ERC2: variants seen among roughly 807,000 people sequenced by gnomAD.
ERC2 encodes the protein ERC protein 2.
A neutral mutation model predicts 114.8 loss-of-function variants in ERC2; 42 were observed. The ratio of observed to expected loss-of-function variants is 0.37; its 90% confidence interval spans 0.29 to 0.47. The LOEUF (loss-of-function observed/expected upper bound fraction) is 0.47. ERC2 is among the 20% of genes least tolerant of loss of function. The pLI, the probability that ERC2 is intolerant of heterozygous loss-of-function variation, is 0.99. For missense variants in ERC2, 939 were observed against 1,150.7 expected, an observed-to-expected ratio of 0.82 and a Z score of 2.66; for synonymous variants, 454 against 425.5, an observed-to-expected ratio of 1.07 and a Z score of -0.82.
At chr3:55,964,390 G>A (rs1030480501) in intron 12 of ERC2, among the ~76,000 whole-genome samples, 9 of 151,686 alleles carry the variant, frequency 5.9e-5, no homozygotes, top group Non-Finnish European at 8.8e-5. Context: ...CATTACTGAG[G>A]CCTTGGCCAC....
intron 2 of ERC2, among the ~76,000 whole-genome samples, chr3:56,394,085 G>A (rs2060221055): frequency 6.6e-6 from 1 of 152,194 alleles, no homozygotes; most frequent in Non-Finnish European, 1.5e-5. Flanking sequence ...GCATTCTCAT[G>A]AGATGAACTT....
At chr3:55,808,701 T>TTA (rs377604698) in intron 14 of ERC2, among the ~76,000 whole-genome samples, 3,685 of 61,164 alleles carry the variant, frequency 0.06, 80 homozygotes, top group South Asian at 0.093. Context: ...TACCATAATT[T>TTA]TATATATATA....
chr3:55,920,240 G>A (rs1032757158), intron 13 of ERC2, among the ~76,000 whole-genome samples: 2 of 151,980 alleles, frequency 1.3e-5, no homozygotes, highest in African/African-American at 4.8e-5. Context: ...AATTTAATTT[G>A]TATTGAGTGT....
chr3:55,957,703 A>G (rs1359272621), intron 12 of ERC2, among the ~76,000 whole-genome samples: 1 of 152,138 alleles, frequency 6.6e-6, no homozygotes, highest in African/African-American at 2.4e-5. Flanking sequence ...TACTACGCAC[A>G]GCCAGGTGTT....
chr3:55,755,954 T>A (rs938914811), intron 14 of ERC2, among the ~76,000 whole-genome samples: 1 of 152,166 alleles, frequency 6.6e-6, no homozygotes, highest in Non-Finnish European at 1.5e-5. Flanking sequence ...CTCAAGAGCC[T>A]TGTGATTTTG....
intron 13 of ERC2, among the ~76,000 whole-genome samples, chr3:55,915,759 C>G (rs756451562): frequency 1.3e-5 from 2 of 152,114 alleles, no homozygotes; most frequent in African/African-American, 4.8e-5. Context: ...TCGAGGGGAG[C>G]TGACTTAATT....
intron 3 of ERC2, among the ~76,000 whole-genome samples, chr3:56,276,989 A>G (rs1480791590): frequency 6.6e-6 from 1 of 152,194 alleles, no homozygotes; most frequent in Non-Finnish European, 1.5e-5. Context: ...ACATGCCCCC[A>G]TCTTTCCTAC....
In ERC2 at chr3:55,972,828, T is replaced by C. The variant is rs111379514; in HGVS notation, c.2267+13149A>G. On this transcript the variant is annotated intron_variant, in intron 12 of 17. Transcript: ENST00000288221. ...ACATTAAATTTGAACTTCAAGGATG[T>C]ATAGAGGTTTGCAGGTATATAGAAA... Among the ~76,000 whole-genome samples, 1,290 of 152,214 alleles carry C rather than the reference T, an allele frequency of 8.5e-3. 14 individuals are homozygous for C. The highest frequency in any genetic ancestry group is 0.03 in the African/African-American group (1,241 of 41,522).
At chr3:55,710,481 T>C (rs938271819) in intron 15 of ERC2, among the ~76,000 whole-genome samples, 2 of 152,142 alleles carry the variant, frequency 1.3e-5, no homozygotes, top group Non-Finnish European at 1.5e-5. Flanking sequence ...TGTTGAGTCA[T>C]ATGGTTGTTT....
At chr3:55,696,223 C>T (rs2062921028) in intron 16 of ERC2, among the ~76,000 whole-genome samples, 1 of 152,202 alleles carries the variant, frequency 6.6e-6, no homozygotes, top group South Asian at 2.1e-4. Flanking sequence ...ACGAGTTTTT[C>T]TGGAAAAGTA....
At chr3:56,391,529 C>T (rs1308876471) in intron 2 of ERC2, among the ~76,000 whole-genome samples, 1 of 152,160 alleles carries the variant, frequency 6.6e-6, no homozygotes, top group African/African-American at 2.4e-5. Context: ...AGGAAGAAGG[C>T]TCCAGCCTTA....
intron 14 of ERC2, among the ~76,000 whole-genome samples, chr3:55,875,351 C>T (rs976900096): frequency 6.6e-6 from 1 of 152,174 alleles, no homozygotes; most frequent in African/African-American, 2.4e-5. Context: ...GGCTGCAGTG[C>T]ACTCTGCAAA....
At chr3:56,345,290 T>A (rs1007310538) in intron 2 of ERC2, among the ~76,000 whole-genome samples, 1 of 152,156 alleles carries the variant, frequency 6.6e-6, no homozygotes, top group Non-Finnish European at 1.5e-5. Flanking sequence ...TTATTGACCA[T>A]CTACTCTCCG....
chr3:56,112,003 A>T (rs1263853266), intron 6 of ERC2, among the ~76,000 whole-genome samples: 1 of 151,756 alleles, frequency 6.6e-6, no homozygotes, highest in East Asian at 1.9e-4. Flanking sequence ...TTCTGGATAC[A>T]TTCTCAGAGA....
intron 14 of ERC2, among the ~76,000 whole-genome samples, chr3:55,829,368 T>C (rs114134398): frequency 0.018 from 2,685 of 152,212 alleles, 86 homozygotes; most frequent in African/African-American, 0.061. Context: ...TTTTAAAAAT[T>C]GTTGGATATC....
chr3:56,207,301 GT>G (rs1230120674), intron 3 of ERC2, among the ~76,000 whole-genome samples: 1 of 151,632 alleles, frequency 6.6e-6, no homozygotes, highest in Non-Finnish European at 1.5e-5. Flanking sequence ...ACACACAATA[GT>G]TTAGGGCAAA....
chr3:55,526,963 G>T (rs376616844), intron 17 of ERC2, among the ~76,000 whole-genome samples: 18 of 152,358 alleles, frequency 1.2e-4, no homozygotes, highest in African/African-American at 4.3e-4. Flanking sequence ...AGGAGCACAC[G>T]TGTCTCCACA....
At chr3:56,118,371 C>A (rs1389459348) in intron 6 of ERC2, among the ~76,000 whole-genome samples, 2 of 152,050 alleles carry the variant, frequency 1.3e-5, no homozygotes, top group African/African-American at 4.8e-5. Context: ...TAGGTGAGCA[C>A]TAAATGTGAG....
intron 17 of ERC2, among the ~76,000 whole-genome samples, chr3:55,650,266 G>C (rs890983480): frequency 1.3e-5 from 2 of 152,078 alleles, no homozygotes; most frequent in Non-Finnish European, 2.9e-5. Flanking sequence ...TCCTCGCAAG[G>C]CTCCCCAGTT....
Sources: allele counts gnomAD v4.1 joint callset (sites outside exome capture counted in the v4.1 genomes callset), GRCh38; gene constraint gnomAD v4.1.1; transcripts MANE v1.5; gene names NCBI Gene and HGNC (gene_info 2026-07-23, HGNC 2026-07-21).